NRG3: variants seen among roughly 807,000 people sequenced by gnomAD.
NRG3 encodes the protein pro-neuregulin-3, membrane-bound isoform.
Under a neutral mutation model 66.9 loss-of-function variants are expected in NRG3, and 31 were observed. The observed-to-expected ratio is 0.46, with a 90% CI of 0.35 to 0.63. The LOEUF is 0.63. Ranked by LOEUF, NRG3 falls within the 20% of genes least tolerant of loss-of-function variation. NRG3 has a pLI of 0.00. For missense variants in NRG3, 910 were observed against 878.9 expected (o/e 1.04, Z -0.45); for synonymous variants, 393 against 359.4 (o/e 1.09, Z -1.06).
intron 1 of NRG3, among the ~76,000 whole-genome samples, chr10:81,983,195 A>C (rs542222349): frequency 2.2e-4 from 34 of 152,350 alleles, no homozygotes; most frequent in African/African-American, 7.2e-4. Context: ...GAAATAAATG[A>C]ACATAGAGTC....
At chr10:82,362,167 T>C (rs548959905) in intron 2 of NRG3, among the ~76,000 whole-genome samples, 7 of 150,198 alleles carry the variant, frequency 4.7e-5, no homozygotes, top group East Asian at 2.0e-4. Flanking sequence ...GTTTGTTTCT[T>C]CATAATTTTC....
intron 3 of NRG3, among the ~76,000 whole-genome samples, chr10:82,818,292 A>C (rs139269290): frequency 1.8e-4 from 27 of 152,076 alleles, no homozygotes; most frequent in African/African-American, 6.3e-4. Context: ...TTTCTGTGCC[A>C]CTTGCTGGTT....
chr10:82,684,322 C>T (rs903119377), intron 2 of NRG3, among the ~76,000 whole-genome samples: 2 of 152,114 alleles, frequency 1.3e-5, no homozygotes, highest in African/African-American at 4.8e-5. Context: ...AGTCTGCTTC[C>T]AAACTAAGGC....
intron 5 of NRG3, among the ~76,000 whole-genome samples, chr10:82,958,216 A>G (rs1850264929): frequency 1.3e-5 from 2 of 152,180 alleles, no homozygotes; most frequent in African/African-American, 4.8e-5. Flanking sequence ...CTGGGCTGAG[A>G]TCCAATCGCT....
chr10:82,542,914 C>A (rs910695831), intron 2 of NRG3, among the ~76,000 whole-genome samples: 3 of 146,138 alleles, frequency 2.1e-5, no homozygotes, highest in Non-Finnish European at 4.5e-5. Context: ...TTTTTGAGAA[C>A]GAGTTTTGCT....
intron 2 of NRG3, among the ~76,000 whole-genome samples, chr10:82,629,843 G>T (rs2133708989): frequency 6.6e-6 from 1 of 152,282 alleles, no homozygotes; most frequent in South Asian, 2.1e-4. Context: ...TGACAATAAG[G>T]ACAGAAGTCA....
At chr10:82,287,625 ATATCTT>A (rs1220770262) in intron 1 of NRG3, among the ~76,000 whole-genome samples, 1 of 152,076 alleles carries the variant, frequency 6.6e-6, no homozygotes, top group Non-Finnish European at 1.5e-5. Flanking sequence ...GATTTCTAAA[ATATCTT>A]TAGTTTTTAT....
At chr10:82,419,001 A>G (rs1264841293) in intron 2 of NRG3, among the ~76,000 whole-genome samples, 3 of 152,178 alleles carry the variant, frequency 2.0e-5, no homozygotes, top group African/African-American at 7.2e-5. Context: ...GAAAAACCAA[A>G]CCCTCAAAAT....
chr10:82,420,099 A>G (rs2088948761), intron 2 of NRG3, among the ~76,000 whole-genome samples: 1 of 152,144 alleles, frequency 6.6e-6, no homozygotes, highest in South Asian at 2.1e-4. Flanking sequence ...GACCTGGTAG[A>G]GTACTTCCTT....
chr10:82,683,287 C>G (rs1315871518), intron 2 of NRG3, among the ~76,000 whole-genome samples: 3 of 151,974 alleles, frequency 2.0e-5, no homozygotes, highest in African/African-American at 7.2e-5. Context: ...TCCCTCCCTC[C>G]CTTTATCTTT....
chr10:82,666,764 G>A (rs953742324), intron 2 of NRG3, among the ~76,000 whole-genome samples: 2 of 152,096 alleles, frequency 1.3e-5, no homozygotes, highest in African/African-American at 4.8e-5. Context: ...ATCCAATCAT[G>A]GCTTCCTGTT....
chr10:81,972,989 G>T (rs2059985975), intron 1 of NRG3, among the ~76,000 whole-genome samples: 1 of 152,040 alleles, frequency 6.6e-6, no homozygotes, highest in Non-Finnish European at 1.5e-5. Flanking sequence ...GTGTCATGGG[G>T]CTTCGTTTTA....
chr10:82,609,590 A>C (rs1248411483), intron 2 of NRG3, among the ~76,000 whole-genome samples: 5 of 139,112 alleles, frequency 3.6e-5, no homozygotes, highest in Non-Finnish European at 7.7e-5. Context: ...TATATTTTCC[A>C]AAAAAAAAAA....
chr10:81,999,301 G>A (rs942427702), intron 1 of NRG3, among the ~76,000 whole-genome samples: 2 of 152,054 alleles, frequency 1.3e-5, no homozygotes, highest in Admixed American at 6.6e-5. Context: ...TGAAGAAAAC[G>A]ATAAAATTTA....
chr10:81,920,205 G>C (rs929719509), intron 1 of NRG3, among the ~76,000 whole-genome samples: 2 of 152,178 alleles, frequency 1.3e-5, no homozygotes, highest in African/African-American at 4.8e-5. Context: ...GGCTGGAAAA[G>C]AGATGAGATC....
At chr10:81,969,774 T>C (rs7075841) in intron 1 of NRG3, among the ~76,000 whole-genome samples, 3 of 93,816 alleles carry the variant, frequency 3.2e-5, no homozygotes, top group African/African-American at 2.9e-4. Flanking sequence ...ACATTTTGAG[T>C]GTGTGTGTGT....
intron 2 of NRG3, among the ~76,000 whole-genome samples, chr10:82,615,495 A>G (rs922350353): frequency 3.9e-5 from 6 of 152,170 alleles, no homozygotes; most frequent in African/African-American, 1.4e-4. Flanking sequence ...AGGTAAAGCC[A>G]TTTCTACAAA....
At chr10:82,396,886 TG>T (rs1238177727) in intron 2 of NRG3, among the ~76,000 whole-genome samples, 1 of 152,216 alleles carries the variant, frequency 6.6e-6, no homozygotes, top group African/African-American at 2.4e-5. Context: ...TTATAGCTGC[TG>T]GATATGGTCA....
At chr10:81,886,779 G>A (rs1346017207) in intron 1 of NRG3, among the ~76,000 whole-genome samples, 3 of 151,938 alleles carry the variant, frequency 2.0e-5, no homozygotes, top group Non-Finnish European at 4.4e-5. Flanking sequence ...TAAAGCTTTC[G>A]GGAAATGTTT....
Sources: allele counts gnomAD v4.1 joint callset (sites outside exome capture counted in the v4.1 genomes callset), GRCh38; gene constraint gnomAD v4.1.1; transcripts MANE v1.5; gene names NCBI Gene and HGNC (gene_info 2026-07-23, HGNC 2026-07-21).